The following CNTNAP2 variants were observed in gnomAD, a reference collection of about 807,000 sequenced individuals.
CNTNAP2 encodes the protein contactin-associated protein-like 2.
CNTNAP2 carries 98 observed loss-of-function variants against 155.2 expected under a neutral mutation model. The observed-to-expected ratio is 0.63, with a 90% CI of 0.54 to 0.75. CNTNAP2 has a LOEUF of 0.75. CNTNAP2 is among the 30% of genes least tolerant of loss of function. The probability of loss-of-function intolerance (pLI) is 0.00; values close to 1 mark genes in which losing one functional copy is unlikely to be tolerated. For missense variants in CNTNAP2, 1,727 were observed against 1,688.1 expected (o/e 1.02, Z -0.40); for synonymous variants, 651 against 631.2 (o/e 1.03, Z -0.47).
chr7:146,880,702 G>T (rs1004389620), intron 3 of CNTNAP2, among the ~76,000 whole-genome samples: 2 of 152,088 alleles, frequency 1.3e-5, no homozygotes, highest in Non-Finnish European at 2.9e-5. Flanking sequence ...ACAAAACTCT[G>T]CTGTGCTGTG....
At chr7:147,078,015 T>C (rs1182344485) in intron 4 of CNTNAP2, among the ~76,000 whole-genome samples, 2 of 152,206 alleles carry the variant, frequency 1.3e-5, no homozygotes, top group Admixed American at 6.5e-5. Context: ...CTCTTGTCTA[T>C]GACATCTGAT....
intron 18 of CNTNAP2, among the ~76,000 whole-genome samples, chr7:148,172,724 G>T (rs1229032692): frequency 6.6e-6 from 1 of 152,078 alleles, no homozygotes; most frequent in African/African-American, 2.4e-5. Flanking sequence ...ATTATTCACT[G>T]CCCGAAACAC....
At chr7:147,889,670 G>A (rs1170890275) in intron 13 of CNTNAP2, among the ~76,000 whole-genome samples, 1 of 152,170 alleles carries the variant, frequency 6.6e-6, no homozygotes, top group African/African-American at 2.4e-5. Flanking sequence ...ATCATTAAGT[G>A]TACAGAGCAG....
chr7:147,169,247 G>A (rs1215928760), intron 8 of CNTNAP2, among the ~76,000 whole-genome samples: 2 of 152,100 alleles, frequency 1.3e-5, no homozygotes, highest in African/African-American at 2.4e-5. Flanking sequence ...GCCTAAATGC[G>A]AAGTTCTAGC....
intron 1 of CNTNAP2, among the ~76,000 whole-genome samples, chr7:146,437,870 T>C (rs1194380996): frequency 7.6e-6 from 1 of 131,218 alleles, no homozygotes; most frequent in African/African-American, 3.7e-5. Flanking sequence ...CATGTGCAAT[T>C]CCCCAATCTC....
intron 21 of CNTNAP2, among the ~76,000 whole-genome samples, chr7:148,271,941 A>G (rs1796788276): frequency 2.0e-5 from 3 of 152,082 alleles, no homozygotes; most frequent in South Asian, 2.1e-4. Context: ...CTTTACTTTT[A>G]TAGGATCAGT....
intron 8 of CNTNAP2, among the ~76,000 whole-genome samples, chr7:147,193,163 G>A (rs1428966030): frequency 6.6e-6 from 1 of 152,208 alleles, no homozygotes; most frequent in East Asian, 1.9e-4. Flanking sequence ...AAAATTCAAG[G>A]TTATTCATGT....
chr7:146,427,580 A>G (rs1329652517), intron 1 of CNTNAP2, among the ~76,000 whole-genome samples: 1 of 152,172 alleles, frequency 6.6e-6, no homozygotes, highest in African/African-American at 2.4e-5. Flanking sequence ...CAAGAGCCAT[A>G]CTGTGTTGAT....
chr7:147,454,548 C>T (rs1027995015), intron 10 of CNTNAP2, among the ~76,000 whole-genome samples: 1 of 151,952 alleles, frequency 6.6e-6, no homozygotes, highest in Admixed American at 6.6e-5. Context: ...CTATGATTTC[C>T]GAGTATTTGC....
intron 1 of CNTNAP2, among the ~76,000 whole-genome samples, chr7:146,376,313 C>CA (rs1795303102): frequency 3.9e-5 from 6 of 152,138 alleles, no homozygotes; most frequent in Middle Eastern, 3.2e-3. Flanking sequence ...TAGAGTCTTA[C>CA]AGATTTAATC....
At chr7:148,361,751 T>C (rs546611991) in intron 21 of CNTNAP2, among the ~76,000 whole-genome samples, 2 of 152,310 alleles carry the variant, frequency 1.3e-5, no homozygotes, top group South Asian at 4.1e-4. Context: ...ACTGGGTAAT[T>C]TGTAAAGAAA....
chr7:147,285,175 G>A (rs527283197), intron 8 of CNTNAP2, among the ~76,000 whole-genome samples: 73 of 143,156 alleles, frequency 5.1e-4, no homozygotes, highest in Middle Eastern at 3.5e-3. Flanking sequence ...AATCATAAAG[G>A]ATTGTACCTG....
chr7:146,588,547 A>G (rs1798733079), intron 1 of CNTNAP2, among the ~76,000 whole-genome samples: 2 of 151,578 alleles, frequency 1.3e-5, no homozygotes, highest in Non-Finnish European at 2.9e-5. Flanking sequence ...TACTCTGTCA[A>G]TCAGGCTGAG....
At chr7:146,235,125 GA>G (rs778909812) in intron 1 of CNTNAP2, among the ~76,000 whole-genome samples, 12 of 151,876 alleles carry the variant, frequency 7.9e-5, no homozygotes, top group Non-Finnish European at 1.6e-4. Context: ...GCTGTACATA[GA>G]AAATACATCT....
chr7:148,088,424 G>A (rs1199876615), intron 15 of CNTNAP2, among the ~76,000 whole-genome samples: 2 of 151,246 alleles, frequency 1.3e-5, no homozygotes, highest in Non-Finnish European at 3.0e-5. Flanking sequence ...TAAAATTTTG[G>A]CTAGACTAAG....
chr7:147,247,264 T>C (rs1253028998), intron 8 of CNTNAP2, among the ~76,000 whole-genome samples: 2 of 152,220 alleles, frequency 1.3e-5, no homozygotes, highest in Non-Finnish European at 2.9e-5. Context: ...AGTAGGATGC[T>C]AGACACATTG....
intron 3 of CNTNAP2, among the ~76,000 whole-genome samples, chr7:146,981,324 GA>G (rs1368689971): frequency 2.6e-5 from 4 of 152,266 alleles, no homozygotes; most frequent in Admixed American, 6.5e-5. Context: ...TAAATTTTGG[GA>G]TAGAAAAATA....
intron 13 of CNTNAP2, among the ~76,000 whole-genome samples, chr7:147,652,683 C>T (rs1011587418): frequency 1.3e-5 from 2 of 151,088 alleles, no homozygotes; most frequent in Admixed American, 1.3e-4. Flanking sequence ...TACCTCTAGA[C>T]TCTATATATT....
At chr7:147,220,928 T>C (rs1803383062) in intron 8 of CNTNAP2, among the ~76,000 whole-genome samples, 1 of 152,164 alleles carries the variant, frequency 6.6e-6, no homozygotes, top group Non-Finnish European at 1.5e-5. Context: ...TTGGCCAGGA[T>C]GGTCTCAAAC....
Sources: allele counts gnomAD v4.1 joint callset (sites outside exome capture counted in the v4.1 genomes callset), GRCh38; gene constraint gnomAD v4.1.1; transcripts MANE v1.5; gene names NCBI Gene and HGNC (gene_info 2026-07-23, HGNC 2026-07-21).